Variants in ILDR2 observed in about 807,000 individuals in gnomAD.
ILDR2 encodes immunoglobulin-like domain-containing receptor 2.
A neutral mutation model predicts 66.8 loss-of-function variants in ILDR2; 25 were observed. The observed-to-expected ratio is 0.37, with a 90% confidence interval of 0.27 to 0.52. The LOEUF is 0.52. Among genes scored for constraint, ILDR2 ranks in the 20% least tolerant of loss-of-function variants. The pLI, the probability that ILDR2 is intolerant of heterozygous loss-of-function variation, is 0.88. For missense variants in ILDR2, 827 were observed against 876.8 expected (o/e 0.94, Z 0.72); for synonymous variants, 367 against 357.2 (o/e 1.03, Z -0.31).
At chr1:166,965,166 A>G (rs1388999059) in intron 1 of ILDR2, among the ~76,000 whole-genome samples, 1 of 152,208 alleles carries the variant, frequency 6.6e-6, no homozygotes, top group African/African-American at 2.4e-5. Context: ...TTCATTCAGT[A>G]TAACAATATA....
chr1:166,969,997 A>G (rs1663186802), intron 1 of ILDR2, among the ~76,000 whole-genome samples: 1 of 152,240 alleles, frequency 6.6e-6, no homozygotes. Flanking sequence ...ACACATAGAA[A>G]AGCATCATAG....
intron 3 of ILDR2, among the ~76,000 whole-genome samples, chr1:166,942,945 A>C (rs559552350): frequency 6.6e-6 from 1 of 152,304 alleles, no homozygotes; most frequent in East Asian, 1.9e-4. Context: ...CAGGTGATTC[A>C]CAAAGCTTTT....
intron 3 of ILDR2, 73 bp from the exon 4 acceptor site, chr1:166,939,643 C>T: frequency 7.7e-7 from 1 of 1,301,252 alleles, no homozygotes; most frequent in Non-Finnish European, 1.1e-6. Context: ...AGCCTGGCTC[C>T]AGTTGGTACC....
chr1:166,945,518 T>C (rs1661566180), intron 3 of ILDR2, among the ~76,000 whole-genome samples: 1 of 152,248 alleles, frequency 6.6e-6, no homozygotes, highest in African/African-American at 2.4e-5. Flanking sequence ...TAGGGTATTT[T>C]TGAGGAAGTC....
chr1:166,898,822 G>A (rs1382422147), intron 2 of ILDR2, among the ~76,000 whole-genome samples: 3 of 151,958 alleles, frequency 2.0e-5, no homozygotes, highest in African/African-American at 7.3e-5. Flanking sequence ...CACTTTGGGA[G>A]GCCAAAGTGG....
downstream of ILDR2, chr1:166,907,917 T>A (rs1659377985): frequency 6.6e-6 from 1 of 152,198 alleles, no homozygotes; most frequent in Non-Finnish European, 1.5e-5. Context: ...GAAAGGACTC[T>A]GCCCAAGTCA....
intron 1 of ILDR2, among the ~76,000 whole-genome samples, chr1:166,970,246 C>T (rs979998950): frequency 7.2e-5 from 11 of 152,120 alleles, no homozygotes; most frequent in African/African-American, 2.7e-4. Flanking sequence ...AGCAACAGCT[C>T]CATTTGTTCT....
chr1:166,967,025 C>T (rs1662994474), intron 1 of ILDR2, among the ~76,000 whole-genome samples: 2 of 152,262 alleles, frequency 1.3e-5, no homozygotes, highest in Non-Finnish European at 2.9e-5. Context: ...CCATCTCCTT[C>T]TTCCTTTCAG....
intron 2 of ILDR2, among the ~76,000 whole-genome samples, chr1:166,902,087 C>T (rs1659274722): frequency 1.3e-5 from 2 of 152,178 alleles, no homozygotes; most frequent in African/African-American, 2.4e-5. Context: ...CTCAAACTCC[C>T]GACCTCAGGT....
chr1:166,957,229 A>G (rs532079399), intron 2 of ILDR2, among the ~76,000 whole-genome samples: 11 of 152,234 alleles, frequency 7.2e-5, no homozygotes, highest in Non-Finnish European at 1.3e-4. Context: ...AAATTCAAAT[A>G]ATCGAATAGA....
At chr1:166,900,130 C>G (rs1001249617) in intron 2 of ILDR2, among the ~76,000 whole-genome samples, 2 of 152,180 alleles carry the variant, frequency 1.3e-5, no homozygotes, top group Non-Finnish European at 2.9e-5. Context: ...CTCTCTATTG[C>G]TACCCTTTCA....
chr1:166,974,844 C>T (rs1663500144), intron 1 of ILDR2, among the ~76,000 whole-genome samples: 1 of 152,182 alleles, frequency 6.6e-6, no homozygotes, highest in Non-Finnish European at 1.5e-5. Flanking sequence ...TTCCTTTATT[C>T]CAGCCAGGCT....
intron 1 of ILDR2, among the ~76,000 whole-genome samples, chr1:166,962,678 G>C (rs920423176): frequency 6.6e-6 from 1 of 152,048 alleles, no homozygotes; most frequent in Non-Finnish European, 1.5e-5. Flanking sequence ...GGGAGTAGGG[G>C]AGTATCCTGA....
chr1:166,957,657 T>C, intron 2 of ILDR2, 112 bp downstream of exon 2: 1 of 888,570 alleles, frequency 1.1e-6, no homozygotes, highest in Non-Finnish European at 1.7e-6. Context: ...ATAAAAGTCT[T>C]GAGGGTCTGA....
chr1:166,967,264 T>C (rs1203474347), intron 1 of ILDR2, among the ~76,000 whole-genome samples: 1 of 152,218 alleles, frequency 6.6e-6, no homozygotes. Flanking sequence ...GGAAGCTGCA[T>C]GTTGGAAACG....
intron 3 of ILDR2, among the ~76,000 whole-genome samples, chr1:166,952,351 C>G (rs1215517327): frequency 6.6e-6 from 1 of 152,182 alleles, no homozygotes; most frequent in Non-Finnish European, 1.5e-5. Flanking sequence ...CTAAATATTT[C>G]TAAGATACCT....
intron 1 of ILDR2, among the ~76,000 whole-genome samples, chr1:166,962,914 T>G (rs1437845427): frequency 6.6e-6 from 1 of 152,194 alleles, no homozygotes; most frequent in Non-Finnish European, 1.5e-5. Context: ...CTCCCAAGGC[T>G]CCAACTACCA....
intron 2 of ILDR2, among the ~76,000 whole-genome samples, chr1:166,902,088 G>T (rs776355070): frequency 3.3e-5 from 5 of 152,186 alleles, no homozygotes; most frequent in African/African-American, 4.8e-5. Context: ...TCAAACTCCC[G>T]ACCTCAGGTG....
At chr1:166,935,621 C>G (rs1660905510) in intron 5 of ILDR2, 144 bp from the exon 6 acceptor site, 1 of 702,580 alleles carries the variant, frequency 1.4e-6, no homozygotes, top group African/African-American at 1.8e-5. Flanking sequence ...TAAAACTGAA[C>G]TGATTCATCA....
Sources: gnomAD v4.1 joint callset for allele counts (sites outside exome capture counted in the v4.1 genomes callset) on GRCh38, gnomAD v4.1.1 for gene constraint, MANE v1.5 for transcripts, NCBI Gene and HGNC (gene_info 2026-07-23, HGNC 2026-07-21) for gene names.